The following IL18R1 variants were observed in gnomAD, a reference collection of about 807,000 sequenced individuals.
The protein encoded by IL18R1 is interleukin 18 receptor 1, also known as interleukin-18 receptor 1.
In IL18R1, 40 loss-of-function variants were observed where a neutral mutation model predicts 48.5. The ratio of observed to expected loss-of-function variants is 0.82; its 90% CI spans 0.64 to 1.07. IL18R1 has a LOEUF of 1.07. Among genes scored for constraint, IL18R1 ranks in the 50% least tolerant of loss-of-function variants. The pLI, the probability that IL18R1 is intolerant of heterozygous loss-of-function variation, is 0.00. For missense variants in IL18R1, 596 were observed against 633.7 expected, an observed-to-expected ratio of 0.94 and a Z score of 0.64; for synonymous variants, 232 against 225.9, an observed-to-expected ratio of 1.03 and a Z score of -0.24.
At chr2:102,380,897 T>C (rs1341535514) in intron 5 of IL18R1, among the ~76,000 whole-genome samples, 1 of 152,214 alleles carries the variant, frequency 6.6e-6, no homozygotes, top group African/African-American at 2.4e-5. Context: ...TAACAATAAC[T>C]TGACTATGCA....
At position 102,397,179 on chromosome 2, in the gene IL18R1, T is replaced by C; in HGVS notation, c.*293T>C. Reference sequence around the variant, plus strand: ...CATACTCAATCCCATATTCAGCAAGTGTGAAGCTGGACGTGATGCAAAATA... The same window carrying C: ...CATACTCAATCCCATATTCAGCAAGCGTGAAGCTGGACGTGATGCAAAATA... On this transcript the variant is annotated 3_prime_UTR_variant, in exon 11 of 11. Coordinates refer to ENST00000233957, the MANE Select transcript of IL18R1 (RefSeq NM_003855.5). 2 of 296,428 alleles carry C rather than the reference T, an allele frequency of 6.7e-6. No homozygotes were observed. 18.4% of individuals were successfully genotyped at this position (296,428 alleles called of 1,614,324 possible).
At position 102,371,948 on chromosome 2, in the gene IL18R1, C is replaced by T. The variant is rs773041896; in HGVS notation, c.303-5C>T. Reference sequence around the variant, plus strand: ...ATAAAATACCTTTACACTTTTATTCCATAGAAATTATACTCAGAAATGGAA... The same window carrying T: ...ATAAAATACCTTTACACTTTTATTCTATAGAAATTATACTCAGAAATGGAA... On this transcript the variant is annotated splice_region_variant and splice_polypyrimidine_tract_variant and intron_variant, in intron 3 of 10. Transcript: ENST00000233957. The T allele has an allele frequency of 2.1e-5, 31 of 1,488,516 alleles. No homozygotes were observed. The highest frequency in any genetic ancestry group is 2.8e-5 in the Non-Finnish European group (30 of 1,090,814). 92.2% of individuals were successfully genotyped at this position (1,488,516 alleles called of 1,614,324 possible). A position where few individuals can be genotyped will look rare whatever the true frequency, so the allele number is the denominator to read the frequency against.
chr2:102,357,914 T>C (rs1247524751), intron 1 of IL18R1, among the ~76,000 whole-genome samples: 1 of 152,104 alleles, frequency 6.6e-6, no homozygotes, highest in Non-Finnish European at 1.5e-5. Flanking sequence ...TGCCCCAAGA[T>C]CATTTTCTCC....
chr2:102,380,410 C>T (rs1679852373), intron 5 of IL18R1, among the ~76,000 whole-genome samples: 1 of 152,198 alleles, frequency 6.6e-6, no homozygotes, highest in Non-Finnish European at 1.5e-5. Flanking sequence ...TTTTCCCCCT[C>T]ACACCGAAAT....
chr2:102,389,575 C>T (rs1469160630), intron 8 of IL18R1, among the ~76,000 whole-genome samples: 2 of 152,138 alleles, frequency 1.3e-5, no homozygotes, highest in East Asian at 3.9e-4. Flanking sequence ...CTTCATTTTA[C>T]AGATGAAGGT....
At chr2:102,388,747 A>C (rs1220566138) in intron 8 of IL18R1, among the ~76,000 whole-genome samples, 2 of 152,216 alleles carry the variant, frequency 1.3e-5, no homozygotes, top group African/African-American at 4.8e-5. Flanking sequence ...AGTTATGACT[A>C]TGCAGTCCTT....
chr2:102,368,616 C>A (rs534204651), intron 3 of IL18R1, among the ~76,000 whole-genome samples: 1 of 152,088 alleles, frequency 6.6e-6, no homozygotes, highest in Non-Finnish European at 1.5e-5. Flanking sequence ...GAGGGCAACA[C>A]GGAAGGGCTT....
intron 4 of IL18R1, among the ~76,000 whole-genome samples, chr2:102,373,255 A>G (rs764295108): frequency 3.3e-5 from 5 of 152,136 alleles, no homozygotes; most frequent in Non-Finnish European, 5.9e-5. Flanking sequence ...AAAAGCTCTT[A>G]TACACCATGG....
At chr2:102,375,779 GT>G in intron 4 of IL18R1, 127 bp from the exon 5 acceptor site, 1 of 585,644 alleles carries the variant, frequency 1.7e-6, no homozygotes, top group Non-Finnish European at 2.9e-6. Flanking sequence ...TGGGACATAT[GT>G]CCAGGAATTG....
intron 8 of IL18R1, among the ~76,000 whole-genome samples, chr2:102,387,267 T>G (rs1339604425): frequency 1.3e-5 from 2 of 152,154 alleles, no homozygotes; most frequent in Non-Finnish European, 2.9e-5. Context: ...ATACAGATGC[T>G]GAGAGTGAGG....
intron 3 of IL18R1, among the ~76,000 whole-genome samples, chr2:102,368,900 A>G (rs1679072221): frequency 6.6e-6 from 1 of 152,182 alleles, no homozygotes; most frequent in Non-Finnish European, 1.5e-5. Context: ...AGTCCTGATC[A>G]TTATCAACCA....
intron 6 of IL18R1, among the ~76,000 whole-genome samples, chr2:102,384,263 G>C (rs552985785): frequency 6.6e-6 from 1 of 152,354 alleles, no homozygotes; most frequent in South Asian, 2.1e-4. Flanking sequence ...GAGACTGCAA[G>C]TGATATCATA....
chr2:102,372,592 A>G (rs1012216103), intron 4 of IL18R1, among the ~76,000 whole-genome samples: 1 of 113,564 alleles, frequency 8.8e-6, no homozygotes, highest in Admixed American at 7.9e-5. Context: ...TCATAAATCC[A>G]TCACAGACTT....
chr2:102,376,292 G>A (rs923932958), intron 5 of IL18R1, among the ~76,000 whole-genome samples: 2 of 152,122 alleles, frequency 1.3e-5, no homozygotes, highest in Non-Finnish European at 2.9e-5. Flanking sequence ...CCTCACATGA[G>A]TCAGCTCTCT....
At chr2:102,367,771 C>T in intron 2 of IL18R1, 54 bp from the exon 3 acceptor site, 1 of 1,529,416 alleles carries the variant, frequency 6.5e-7, no homozygotes, top group East Asian at 2.4e-5. Flanking sequence ...AAAAAAGTTA[C>T]CTTGTCATTT....
intron 2 of IL18R1, among the ~76,000 whole-genome samples, chr2:102,366,348 T>C (rs544821380): frequency 6.6e-6 from 1 of 152,206 alleles, no homozygotes; most frequent in African/African-American, 2.4e-5. Flanking sequence ...TCCCCAAAAG[T>C]TCCTCATCTC....
chr2:102,371,895 G>T, intron 3 of IL18R1, 58 bp from the exon 4 acceptor site: 2 of 942,952 alleles, frequency 2.1e-6, no homozygotes, highest in Non-Finnish European at 3.2e-6. Context: ...GGGAAGATGG[G>T]TGATATTTGC....
intron 3 of IL18R1, 51 bp downstream of exon 3, chr2:102,368,119 G>T: frequency 6.2e-7 from 1 of 1,600,128 alleles, no homozygotes; most frequent in Non-Finnish European, 8.6e-7. Context: ...CTTGTCCTTT[G>T]TTCAGCAACT....
intron 9 of IL18R1, among the ~76,000 whole-genome samples, chr2:102,394,241 C>T (rs1680702081): frequency 1.3e-5 from 2 of 151,994 alleles, no homozygotes; most frequent in Admixed American, 1.3e-4. Flanking sequence ...GCTCATATAT[C>T]TCTGTATTCT....
Sources: gnomAD v4.1 joint callset for allele counts (sites outside exome capture counted in the v4.1 genomes callset) on GRCh38, gnomAD v4.1.1 for gene constraint, MANE v1.5 for transcripts, NCBI Gene and HGNC (gene_info 2026-07-23, HGNC 2026-07-21) for gene names.